Variants in PARP1 observed in about 807,000 individuals in gnomAD.
PARP1 encodes the protein poly [ADP-ribose] polymerase 1.
Under a neutral mutation model 118.7 loss-of-function variants are expected in PARP1, and 44 were observed. The observed-to-expected ratio is 0.37, with a 90% CI of 0.29 to 0.48. The LOEUF is 0.48. Ranked by LOEUF, PARP1 falls within the 20% of genes least tolerant of loss-of-function variation. The pLI is 0.99. For missense variants in PARP1, 1,100 were observed against 1,272.4 expected, an observed-to-expected ratio of 0.86 and a Z score of 2.06; for synonymous variants, 492 against 483.2, an observed-to-expected ratio of 1.02 and a Z score of -0.24.
At chr1:226,378,126 C>T (rs1216477420) in intron 12 of PARP1, among the ~76,000 whole-genome samples, 3 of 152,078 alleles carry the variant, frequency 2.0e-5, no homozygotes, top group Non-Finnish European at 4.4e-5. Flanking sequence ...CTGACCCTAA[C>T]AGCCTACACC....
rs552397377 is a variant in PARP1 at position 226,380,110 on chromosome 1, C to T, written c.1355G>A (p.Arg452Gln). The T allele has an allele frequency of 1.7e-5, 27 of 1,614,168 alleles. No individual in the cohort carries two copies. The African/African-American group carries it at 2.9e-4, about 18-fold the overall frequency. The change falls in exon 10 of 23, where the codon CGA (arginine) becomes CAA (glutamine). Residue 452 changes from arginine (R) to glutamine (Q), a missense_variant. By Grantham distance (43) the Arg-to-Gln change is conservative (BLOSUM62 1). Coordinates refer to ENST00000366794, the MANE Select transcript of PARP1 (RefSeq NM_001618.4). ...KMEEVKEANI[R>Q]VVSEDFLQDV... is the part of the protein sequence containing the mutation. ...CTGGAGGAAGTCCTCAGACACAACT[C>T]GGATGTTGGCTTCCTTTACTTCCTC...
chr1:226,361,631 T>C (rs894917701), intron 22 of PARP1, 90 bp from the exon 23 acceptor site: 1 of 959,680 alleles, frequency 1.0e-6, no homozygotes, highest in African/African-American at 1.6e-5. Flanking sequence ...GGACGCTCAG[T>C]GCCAGCCTGA....
intron 3 of PARP1, among the ~76,000 whole-genome samples, chr1:226,391,512 C>A (rs1664819144): frequency 6.6e-6 from 1 of 152,122 alleles, no homozygotes; most frequent in African/African-American, 2.4e-5. Flanking sequence ...CCGGCATTCC[C>A]CTTGAGGTAA....
At chr1:226,407,782 GC>G (rs1354868544) in intron 1 of PARP1, 27 bp downstream of exon 1, 1 of 1,431,038 alleles carries the variant, frequency 7.0e-7, no homozygotes, top group African/African-American at 1.4e-5. Flanking sequence ...CCGCGTCCCC[GC>G]CCCGCCGCCC....
chr1:226,380,240 AT>A (rs1316504050), intron 9 of PARP1, 76 bp from the exon 10 acceptor site: 2 of 1,414,952 alleles, frequency 1.4e-6, no homozygotes, highest in African/African-American at 2.8e-5. Context: ...CTACAGTTAT[AT>A]TTAGTGTGTA....
In PARP1 at chr1:226,402,234, G is replaced by A. The variant is rs1558243852; in HGVS notation, c.266C>T (p.Ala89Val). ...WDDQQKVKKT[A>V]EAGGVTGKGQ... ...CACACCTGTCACTCCTCCAGCTTCC[G>A]CTGTCTTCTTGACTTTCTGCTGGTC... is the stretch of plus-strand genomic sequence containing the variant. The change falls in exon 2 of 23, where the codon GCG becomes GTG. Residue 89 changes from alanine (A) to valine (V), a missense_variant. Around this residue, in one of 2 missense-constraint regions of PARP1, gnomAD observed 948 missense variants for 1,031.8 expected, o/e 0.92. Coordinates refer to ENST00000366794, the MANE Select transcript of PARP1 (RefSeq NM_001618.4). The A allele has an allele frequency of 5.0e-6, 8 of 1,614,162 alleles. No individual in the cohort carries two copies. The highest frequency in any genetic ancestry group is 2.2e-5 in the East Asian group (1 of 44,888).
In PARP1 at chr1:226,383,032, GTACCTGC is replaced by G; in HGVS notation, c.1156_1159+3del. On this transcript the variant is annotated splice_donor_variant and splice_donor_region_variant and coding_sequence_variant and intron_variant, in exon 8 of 23. Coordinates refer to ENST00000366794, the MANE Select transcript of PARP1 (RefSeq NM_001618.4). LOFTEE classifies it high-confidence loss of function. ...CTCTAAGACCGGGGTCCCAAATGCT[GTACCTGC>G]TGAAGCAGAGGAGTTCACAGCAGCA... 6.2e-7 allele frequency: 1 copy of G among 1,612,734 alleles called. No individual in the cohort carries two copies.
At chr1:226,391,000 CTTTTTTT>C (rs33944799) in intron 3 of PARP1, among the ~76,000 whole-genome samples, 2 of 130,222 alleles carry the variant, frequency 1.5e-5, no homozygotes, top group Admixed American at 7.6e-5. Context: ...CAATGCAGCA[CTTTTTTT>C]TTTTTTTTTT....
intron 7 of PARP1, 51 bp downstream of exon 7, chr1:226,385,453 G>A: frequency 6.5e-7 from 1 of 1,537,710 alleles, no homozygotes; most frequent in South Asian, 1.1e-5. Flanking sequence ...CGCAGAAAGT[G>A]GGGCCAGGTT....
intron 2 of PARP1, among the ~76,000 whole-genome samples, chr1:226,393,906 T>C (rs1425136737): frequency 6.6e-6 from 1 of 152,138 alleles, no homozygotes; most frequent in African/African-American, 2.4e-5. Context: ...AAGACAGACA[T>C]GACTACACAA....
At chr1:226,382,806 C>T (rs1194498167) in intron 8 of PARP1, among the ~76,000 whole-genome samples, 1 of 152,218 alleles carries the variant, frequency 6.6e-6, no homozygotes, top group African/African-American at 2.4e-5. Flanking sequence ...GTGTGAGTCA[C>T]TGCTCCCAGC....
At position 226,367,601 on chromosome 1, in the gene PARP1, A is replaced by G. The variant is rs1136410; in HGVS notation, c.2285T>C (p.Val762Ala). The change falls in exon 17 of 23, where the codon GTG becomes GCG. Residue 762 changes from valine to alanine, a missense_variant. Physicochemically the swap from Val to Ala is moderately conservative, Grantham distance 64. Around this residue, in one of 2 missense-constraint regions of PARP1, gnomAD observed 948 missense variants for 1,031.8 expected, o/e 0.92. Transcript: ENST00000366794. Reference sequence around the variant, plus strand: ...GTCCAGCAGGTTGTCAAGCATTTCCACCTTGGCCTGGAGGAGCAAAAGAAA... The same window carrying G: ...GTCCAGCAGGTTGTCAAGCATTTCCGCCTTGGCCTGGAGGAGCAAAAGAAA... ...LNNADSVQAK[V>A]EMLDNLLDIE... 271,277 of 1,613,852 alleles carry G rather than the reference A, an allele frequency of 0.17. 27,235 individuals are homozygous for G. The highest frequency in any genetic ancestry group is 0.42 in the East Asian group (18,899 of 44,854).
Position 226,373,053 on chromosome 1 carries a change from C to T in PARP1, c.2070+1173G>A, listed in dbSNP as rs117067838. Reference sequence around the variant, plus strand: ...ACACTCCACTCTACAACAGCACAGGCGTGAGCATTCCTGCCAGGCTGAGCT... The same window carrying T: ...ACACTCCACTCTACAACAGCACAGGTGTGAGCATTCCTGCCAGGCTGAGCT... On this transcript the variant is annotated intron_variant, in intron 14 of 22. Transcript: ENST00000366794. Among the ~76,000 whole-genome samples the T allele has an allele frequency of 4.6e-3, 695 of 152,310 alleles. 27 individuals carry two copies. In the South Asian group the frequency reaches 0.084, roughly 18 times the overall value.
At chr1:226,375,176 T>C (rs1438718045) in intron 13 of PARP1, among the ~76,000 whole-genome samples, 2 of 152,248 alleles carry the variant, frequency 1.3e-5, no homozygotes, top group Admixed American at 6.5e-5. Context: ...TTAGTGTTCA[T>C]GGCTGCTGCT....
In PARP1 at chr1:226,381,456, G is replaced by A. The variant is rs3219076; in HGVS notation, c.1160-248C>T. Among the ~76,000 whole-genome samples the A allele has an allele frequency of 5.2e-3, 797 of 152,368 alleles. 27 individuals are homozygous for A. In the South Asian group the frequency reaches 0.084, roughly 16 times the overall value. On this transcript the variant is annotated intron_variant, in intron 8 of 22. Coordinates refer to ENST00000366794, the MANE Select transcript of PARP1 (RefSeq NM_001618.4). ...TCCATGGCCAGGCCAGCCTCGCGGC[G>A]TGAGCCAGGCAGCTGCGGGTTACCC...
chr1:226,362,184 CTTT>C (rs368063214), intron 21 of PARP1, 101 bp from the exon 22 acceptor site: 219 of 602,690 alleles, frequency 3.6e-4, no homozygotes, highest in East Asian at 5.5e-4. Flanking sequence ...TGTGGTCTTT[CTTT>C]TTTTTTTTTT....
At chr1:226,400,721 C>T (rs1665019140) in intron 2 of PARP1, among the ~76,000 whole-genome samples, 2 of 152,216 alleles carry the variant, frequency 1.3e-5, no homozygotes, top group South Asian at 2.1e-4. Context: ...GGCTGCAGGG[C>T]GTGACTGTGC....
rs1664300210 is a variant in PARP1 at position 226,367,730 on chromosome 1, C to A, written c.2278-122G>T. ...ACACAGTGAATGGCAAACCCTCCTG[C>A]TGGTCAGGGCCAGCCTGTTACCTGC... On this transcript the variant is annotated intron_variant, in intron 16 of 22. Coordinates refer to ENST00000366794, the MANE Select transcript of PARP1 (RefSeq NM_001618.4). The A allele has an allele frequency of 2.7e-5, 30 of 1,102,784 alleles. 1 individual carries two copies. In the South Asian group the frequency reaches 3.7e-4, roughly 14 times the overall value. The allele number at this position is 1,102,784 out of a possible 1,614,324, so 68.3% of individuals were successfully genotyped here. A position where few individuals can be genotyped will look rare whatever the true frequency, so the allele number is the denominator to read the frequency against.
In PARP1 at chr1:226,402,084, A is replaced by G. The variant is rs189572142; in HGVS notation, c.286+130T>C. The G allele has an allele frequency of 2.7e-4, 420 of 1,577,654 alleles. 1 individual carries two copies. The African/African-American group carries it at 4.7e-3, about 18-fold the overall frequency. On this transcript the variant is annotated intron_variant, in intron 2 of 22. Transcript: ENST00000366794. ...GAGGTGTTGCTGAAATAACATGGGC[A>G]CCATACGCTTGATCTGCACATGTGG... is the stretch of plus-strand genomic sequence containing the variant.
Sources: gnomAD v4.1 joint callset for allele counts (sites outside exome capture counted in the v4.1 genomes callset) on GRCh38, gnomAD v4.1.1 for gene constraint, gnomAD v4.1.1 regional missense constraint, MANE v1.5 for transcripts, NCBI Gene and HGNC (gene_info 2026-07-23, HGNC 2026-07-21) for gene names.